The following ELFN2 variants were observed in gnomAD, a reference collection of about 807,000 sequenced individuals.
ELFN2 encodes the protein protein phosphatase 1 regulatory subunit 29.
A neutral mutation model predicts 45.5 loss-of-function variants in ELFN2; 17 were observed. The ratio of observed to expected loss-of-function variants is 0.37; its 90% CI spans 0.26 to 0.56. The LOEUF is 0.56. Among genes scored for constraint, ELFN2 ranks in the 20% least tolerant of loss-of-function variants. The pLI is 0.77. For missense variants in ELFN2, 922 were observed against 1,183.2 expected, an observed-to-expected ratio of 0.78 and a Z score of 3.24; for synonymous variants, 550 against 551.5, an observed-to-expected ratio of 1.00 and a Z score of 0.04.
Position 37,373,874 on chromosome 22 carries a change from G to A in ELFN2, c.1661C>T (p.Ala554Val), listed in dbSNP as rs1381598540. ...VNQIINNCID[A>V]LKLDSASFLG... ...AAAAGAGGCCGAGTCCAGCTTGAGA[G>A]CATCGATGCAGTTGTTAATGATCTG... Residue 554 changes from alanine to valine, a missense_variant, in exon 3 of 3, where the codon GCT (alanine) becomes GTT (valine). Ala to Val is a moderately conservative substitution (Grantham distance 64, BLOSUM62 0). Around this residue, in one of 2 missense-constraint regions of ELFN2, gnomAD observed 564 missense variants for 642.8 expected, o/e 0.88. Coordinates refer to ENST00000402918, the MANE Select transcript of ELFN2 (RefSeq NM_052906.5). 1 of 1,613,450 alleles carries A rather than the reference G, an allele frequency of 6.2e-7. No individual in the cohort carries two copies. Among genetic ancestry groups the A allele is most frequent in the Non-Finnish European group, 8.5e-7 (1 of 1,179,968 alleles).
At chr22:37,400,853 C>T (rs1408186292) in intron 2 of ELFN2, among the ~76,000 whole-genome samples, 2 of 152,258 alleles carry the variant, frequency 1.3e-5, no homozygotes, top group African/African-American at 4.8e-5. Context: ...AAAGTGCTTT[C>T]AAAACCCATA....
chr22:37,345,077 C>T (rs905698701), intron 1 of ELFN2, among the ~76,000 whole-genome samples: 10 of 152,356 alleles, frequency 6.6e-5, no homozygotes, highest in African/African-American at 2.2e-4. Flanking sequence ...CTGCACCAGG[C>T]ACTGCCCCCA....
At chr22:37,421,237 C>T (rs1932806913) in intron 1 of ELFN2, among the ~76,000 whole-genome samples, 1 of 152,224 alleles carries the variant, frequency 6.6e-6, no homozygotes, top group African/African-American at 2.4e-5. Flanking sequence ...CCTGCTCACA[C>T]GGTCACTCCA....
intron 2 of ELFN2, among the ~76,000 whole-genome samples, chr22:37,412,368 T>C (rs1321832220): frequency 6.6e-6 from 1 of 151,238 alleles, no homozygotes; most frequent in African/African-American, 2.4e-5. Flanking sequence ...ACCCTCAGAC[T>C]GGGGCTCCTG....
chr22:37,369,841 GC>G lies in ELFN2; in HGVS notation c.*3230del, dbSNP rs969756090. ...CCTCCATCTCCCCTCCCTCCCTGTG[GC>G]CCCCCCTGCCCTCTTTTCCTGGTGT... On this transcript the variant is annotated 3_prime_UTR_variant, in exon 3 of 3. Coordinates refer to ENST00000402918, the MANE Select transcript of ELFN2 (RefSeq NM_052906.5). The G allele has an allele frequency of 1.1e-4, 17 of 152,798 alleles. No homozygotes were observed. The highest frequency in any genetic ancestry group is 3.4e-4 in the African/African-American group (14 of 41,404). 9.5% of individuals were successfully genotyped at this position (152,798 alleles called of 1,614,324 possible). A position where few individuals can be genotyped will look rare whatever the true frequency, so the allele number is the denominator to read the frequency against.
At chr22:37,403,506 C>T (rs1932417200) in intron 2 of ELFN2, among the ~76,000 whole-genome samples, 1 of 152,236 alleles carries the variant, frequency 6.6e-6, no homozygotes, top group South Asian at 2.1e-4. Context: ...CCAACTCCAT[C>T]TGTGCCTTGG....
chr22:37,426,614 C>T (rs1932852574), intron 1 of ELFN2, among the ~76,000 whole-genome samples: 1 of 144,804 alleles, frequency 6.9e-6, no homozygotes, highest in South Asian at 2.2e-4. Flanking sequence ...CACGCACGCA[C>T]ACACACACAC....
At position 37,373,033 on chromosome 22, in the gene ELFN2, G is replaced by A; in HGVS notation, c.*39C>T. 6.5e-7 allele frequency: 1 copy of A among 1,544,100 alleles called. No individual in the cohort carries two copies. The highest frequency in any genetic ancestry group is 1.7e-4 in the Middle Eastern group (1 of 5,720). ...GGACCCTTCCCCCAAAAGGCCCCCA[G>A]CCCTCTGGCTCCGACCTCACCAGGG... On this transcript the variant is annotated 3_prime_UTR_variant, in exon 3 of 3. Transcript: ENST00000402918.
intron 1 of ELFN2, among the ~76,000 whole-genome samples, chr22:37,345,547 C>CTT (rs3041585): frequency 3.0e-5 from 4 of 134,936 alleles, no homozygotes; most frequent in Admixed American, 7.3e-5. Flanking sequence ...TTGTTGTTGT[C>CTT]TTTTTTTTTT....
Position 37,373,128 on chromosome 22 carries a change from C to A in ELFN2, c.2407G>T (p.Asp803Tyr). Residue 803 changes from aspartate (D) to tyrosine (Y), a missense_variant, in exon 3 of 3, where the codon GAT (aspartate) becomes TAT (tyrosine). Asp to Tyr is a radical substitution (Grantham distance 160). Transcript: ENST00000402918. ...CAGTAATCAAGGATGTCATGCAGAT[C>A]CTCGTCCTTGGCGAACTGGACCTTC... ...RKKVQFAKDE[D>Y]LHDILDYWKG... 2 of 1,612,596 alleles carry A rather than the reference C, an allele frequency of 1.2e-6. No homozygotes were observed. The highest frequency in any genetic ancestry group is 1.7e-6 in the Non-Finnish European group (2 of 1,179,008).
At chr22:37,408,153 T>C (rs1175524873) in intron 2 of ELFN2, among the ~76,000 whole-genome samples, 1 of 152,166 alleles carries the variant, frequency 6.6e-6, no homozygotes, top group Non-Finnish European at 1.5e-5. Context: ...CCCACACATT[T>C]ATACATACAC....
Position 37,383,742 on chromosome 22 carries a change from T to TC in ELFN2, c.-462-7747dup, listed in dbSNP as rs1322548867. On this transcript the variant is annotated intron_variant, in intron 2 of 2. Transcript: ENST00000402918. ...TGGCCCTGGGACAGACAGATTTGCC[T>TC]CCCCTTCACTAAGCTGCCTTCTTAC... 3.3e-5 allele frequency among the ~76,000 whole-genome samples: 5 copies of TC among 152,268 alleles called. No individual in the cohort carries two copies. The East Asian group carries it at 9.6e-4, about 29-fold the overall frequency.
rs550081892 is a variant in ELFN2, at chr22:37,411,344, A to T, written c.-463+6425T>A. 2.8e-3 allele frequency among the ~76,000 whole-genome samples: 433 copies of T among 152,076 alleles called. 17 individuals are homozygous for T. The East Asian group carries it at 0.079, about 28-fold the overall frequency. On this transcript the variant is annotated intron_variant, in intron 2 of 2. Transcript: ENST00000402918. Reference sequence around the variant, plus strand: ...TTAGATCAAGGGCCCTTGAGCCACCACCATTGGGGCACCTCAGTGCCAACC... The same window carrying T: ...TTAGATCAAGGGCCCTTGAGCCACCTCCATTGGGGCACCTCAGTGCCAACC...
intron 2 of ELFN2, among the ~76,000 whole-genome samples, chr22:37,406,568 T>C (rs1932506542): frequency 2.0e-5 from 3 of 151,500 alleles, no homozygotes; most frequent in Admixed American, 2.0e-4. Context: ...CCCAGCCCCG[T>C]GACCCACTAG....
chr22:37,354,184 C>T (rs1930891332), intron 1 of ELFN2: 1 of 152,202 alleles, frequency 6.6e-6, no homozygotes. Flanking sequence ...GAGCCCAAAG[C>T]AGGTTGGAAG....
chr22:37,386,702 C>T (rs185192613), intron 2 of ELFN2, among the ~76,000 whole-genome samples: 2 of 152,270 alleles, frequency 1.3e-5, no homozygotes, highest in African/African-American at 2.4e-5. Flanking sequence ...GGAAACTCCC[C>T]GGGGAGGGCC....
chr22:37,349,742 C>T (rs1389349451), intron 1 of ELFN2, among the ~76,000 whole-genome samples: 1 of 151,176 alleles, frequency 6.6e-6, no homozygotes, highest in African/African-American at 2.4e-5. Flanking sequence ...ACCTCCAGCC[C>T]AGGACATTCC....
At chr22:37,380,752 C>T (rs978845776) in intron 2 of ELFN2, among the ~76,000 whole-genome samples, 1 of 152,166 alleles carries the variant, frequency 6.6e-6, no homozygotes, top group Non-Finnish European at 1.5e-5. Context: ...TGCCTCACCC[C>T]TTGCTGCTGG....
chr22:37,415,408 G>A (rs1932749834), intron 2 of ELFN2, among the ~76,000 whole-genome samples: 1 of 152,200 alleles, frequency 6.6e-6, no homozygotes, highest in South Asian at 2.1e-4. Context: ...TGATGAAAGT[G>A]CACACACAGG....
Sources: gnomAD v4.1 joint callset for allele counts (sites outside exome capture counted in the v4.1 genomes callset) on GRCh38, gnomAD v4.1.1 for gene constraint, gnomAD v4.1.1 regional missense constraint, MANE v1.5 for transcripts, NCBI Gene and HGNC (gene_info 2026-07-23, HGNC 2026-07-21) for gene names.